The following DENND1A variants were observed in gnomAD, a reference collection of about 807,000 sequenced individuals.
DENND1A encodes the protein DENN domain containing 1A, also known as DENN domain-containing protein 1A.
Under a neutral mutation model 113.7 loss-of-function variants are expected in DENND1A, and 51 were observed. The observed-to-expected ratio is 0.45, with a 90% CI of 0.36 to 0.57. The LOEUF is 0.57. Ranked by LOEUF, DENND1A falls within the 20% of genes least tolerant of loss-of-function variation. The pLI, the probability that DENND1A is intolerant of heterozygous loss-of-function variation, is 0.00. For synonymous variants in DENND1A, 565 were observed against 570.8 expected, an observed-to-expected ratio of 0.99 and a Z score of 0.14; for missense variants, 1,258 against 1,395.9, an observed-to-expected ratio of 0.90 and a Z score of 1.57.
intron 13 of DENND1A, among the ~76,000 whole-genome samples, chr9:123,545,740 T>A (rs1240982228): frequency 6.6e-6 from 1 of 152,146 alleles, no homozygotes; most frequent in Non-Finnish European, 1.5e-5. Context: ...GTGCTGGGAT[T>A]ACAGGTGTGA....
intron 13 of DENND1A, among the ~76,000 whole-genome samples, chr9:123,490,289 A>G (rs1005520777): frequency 6.6e-6 from 1 of 152,214 alleles, no homozygotes; most frequent in African/African-American, 2.4e-5. Context: ...AGTCCATTAG[A>G]AACAGGAATA....
chr9:123,859,306 C>T (rs1844728461), intron 2 of DENND1A, among the ~76,000 whole-genome samples: 5 of 152,058 alleles, frequency 3.3e-5, no homozygotes, highest in Admixed American at 3.3e-4. Flanking sequence ...TCTTCATTTA[C>T]AGGACCTGGA....
chr9:123,609,651 C>T (rs1280120627), intron 10 of DENND1A, among the ~76,000 whole-genome samples, 170 bp from the exon 11 acceptor site: 1 of 152,138 alleles, frequency 6.6e-6, no homozygotes, highest in Non-Finnish European at 1.5e-5. Context: ...AGCCTAGAAA[C>T]TTCAGAAGAA....
intron 2 of DENND1A, among the ~76,000 whole-genome samples, chr9:123,860,744 G>A (rs1281273287): frequency 6.6e-6 from 1 of 152,182 alleles, no homozygotes; most frequent in African/African-American, 2.4e-5. Context: ...GCCTAAGCAT[G>A]CGGAACAAAA....
rs1404760075 is a variant in DENND1A, at chr9:123,511,804, G to A, written c.993+45766C>T. On this transcript the variant is annotated intron_variant, in intron 13 of 23. Transcript: ENST00000394215. ...ATGTTGCAGCGCCAGGCGGGAATGG[G>A]GACAGGAGAGACAGAAGAGCTGCAG... 5.9e-5 allele frequency among the ~76,000 whole-genome samples: 9 copies of A among 152,208 alleles called. No individual in the cohort carries two copies. The East Asian group carries it at 1.7e-3, about 29-fold the overall frequency.
intron 1 of DENND1A, among the ~76,000 whole-genome samples, chr9:123,889,299 T>G (rs983052030): frequency 6.6e-6 from 1 of 152,142 alleles, no homozygotes; most frequent in Non-Finnish European, 1.5e-5. Context: ...ATCTCAAAAG[T>G]TGTTTCAGGG....
intron 5 of DENND1A, among the ~76,000 whole-genome samples, chr9:123,721,519 C>T (rs1240455106): frequency 6.6e-6 from 1 of 152,218 alleles, no homozygotes; most frequent in African/African-American, 2.4e-5. Flanking sequence ...TGAGCTACCT[C>T]ATGATATGGT....
intron 9 of DENND1A, among the ~76,000 whole-genome samples, chr9:123,640,606 T>C (rs1363555564): frequency 6.6e-6 from 1 of 152,244 alleles, no homozygotes; most frequent in African/African-American, 2.4e-5. Flanking sequence ...TCGCTCTCCT[T>C]GTTTCTGAGA....
At chr9:123,868,547 G>C (rs1359928501) in intron 2 of DENND1A, among the ~76,000 whole-genome samples, 2 of 152,190 alleles carry the variant, frequency 1.3e-5, no homozygotes, top group African/African-American at 4.8e-5. Flanking sequence ...GAGGCTCTGA[G>C]ATTGGCATGT....
At chr9:123,625,960 C>T (rs181015470) in intron 10 of DENND1A, among the ~76,000 whole-genome samples, 21 of 152,196 alleles carry the variant, frequency 1.4e-4, no homozygotes, top group African/African-American at 4.8e-5. Flanking sequence ...GGCTCAATTG[C>T]GGCTCACTGT....
At chr9:123,723,755 C>A (rs1029681849) in intron 5 of DENND1A, among the ~76,000 whole-genome samples, 1 of 152,156 alleles carries the variant, frequency 6.6e-6, no homozygotes, top group African/African-American at 2.4e-5. Flanking sequence ...ATCCATTAAA[C>A]CTCTTTTACT....
rs552589387 is a variant in DENND1A, at chr9:123,391,075, C to T, written c.1632-3217G>A. Among the ~76,000 whole-genome samples the T allele has an allele frequency of 9.2e-5, 14 of 152,372 alleles. No individual in the cohort carries two copies. The South Asian group carries it at 2.9e-3, about 32-fold the overall frequency. ...CTGTCACAATCCAGCGCTGCCCACA[C>T]TGCTGTGATGGTGGAGGGGGCTGGG... On this transcript the variant is annotated intron_variant, in intron 21 of 23. Transcript: ENST00000394215.
intron 11 of DENND1A, among the ~76,000 whole-genome samples, chr9:123,590,407 G>A (rs1161027224): frequency 6.6e-6 from 1 of 152,208 alleles, no homozygotes; most frequent in Non-Finnish European, 1.5e-5. Context: ...TCCAAAGCCA[G>A]TCTGGGTTCT....
At chr9:123,563,816 A>C (rs901952573) in intron 12 of DENND1A, among the ~76,000 whole-genome samples, 3 of 152,100 alleles carry the variant, frequency 2.0e-5, no homozygotes, top group Non-Finnish European at 4.4e-5. Context: ...CTCCATTTGC[A>C]CCTTTGTCTT....
Position 123,733,668 on chromosome 9 carries a change from TTA to T in DENND1A, c.302+24033_302+24034del, listed in dbSNP as rs200284456. 7.2e-3 allele frequency among the ~76,000 whole-genome samples: 1,021 copies of T among 140,844 alleles called. 13 individuals are homozygous for T. Among genetic ancestry groups the T allele is most frequent in the African/African-American group, 0.028 (968 of 35,186 alleles). The allele number at this position is 140,844 out of a possible 152,430, so 92.4% of individuals were successfully genotyped here. A position where few individuals can be genotyped will look rare whatever the true frequency, so the allele number is the denominator to read the frequency against. The stretch of plus-strand genomic sequence containing the variant: ...TTTTATAGAATCATATTCTTGTTGG[TTA>T]TTTTTTTTTTTTTGAGACAGAGTCT... On this transcript the variant is annotated intron_variant, in intron 5 of 23. Coordinates refer to ENST00000394215, the MANE Select transcript of DENND1A (RefSeq NM_001352964.2).
Position 123,710,673 on chromosome 9 carries a change from G to GTT in DENND1A, c.303-33886_303-33885dup, listed in dbSNP as rs11392793. Among the ~76,000 whole-genome samples, 481 of 138,950 alleles carry GTT rather than the reference G, an allele frequency of 3.5e-3. 4 individuals are homozygous for GTT. The highest frequency in any genetic ancestry group is 0.011 in the African/African-American group (405 of 38,256). 91.2% of individuals were successfully genotyped at this position (138,950 alleles called of 152,430 possible). ...TATAATTTAATGAAAAATCTTGGAG[G>GTT]TTTTTTTTTTTTTTTTGAGACAGAG... On this transcript the variant is annotated intron_variant, in intron 5 of 23. Coordinates refer to ENST00000394215, the MANE Select transcript of DENND1A (RefSeq NM_001352964.2).
chr9:123,414,747 CTGT>C (rs1485191304), intron 19 of DENND1A, among the ~76,000 whole-genome samples: 1 of 152,158 alleles, frequency 6.6e-6, no homozygotes, highest in Non-Finnish European at 1.5e-5. Flanking sequence ...CTGGAAAATG[CTGT>C]CTGAAGTGTT....
intron 5 of DENND1A, among the ~76,000 whole-genome samples, chr9:123,677,514 AC>A (rs1320647940): frequency 1.3e-5 from 2 of 151,914 alleles, no homozygotes; most frequent in Non-Finnish European, 2.9e-5. Context: ...GCTCACTGCA[AC>A]CCCTGCCTCC....
In DENND1A at chr9:123,607,458, TAGAG is replaced by T. The variant is rs769155971; in HGVS notation, c.765+1974_765+1977del. On this transcript the variant is annotated intron_variant, in intron 11 of 23. Coordinates refer to ENST00000394215, the MANE Select transcript of DENND1A (RefSeq NM_001352964.2). ...ACAGTGGAAGGGGAGTGGAGTGGCT[TAGAG>T]AGAGAGAGAGAGACACAGAGAGAGA... Among the ~76,000 whole-genome samples the T allele has an allele frequency of 3.2e-3, 331 of 102,014 alleles. 2 individuals carry two copies. The highest frequency in any genetic ancestry group is 0.012 in the African/African-American group (313 of 26,518). 66.9% of individuals were successfully genotyped at this position (102,014 alleles called of 152,430 possible). A position where few individuals can be genotyped will look rare whatever the true frequency, so the allele number is the denominator to read the frequency against.
Sources: allele counts gnomAD v4.1 joint callset (sites outside exome capture counted in the v4.1 genomes callset), GRCh38; gene constraint gnomAD v4.1.1; transcripts MANE v1.5; gene names NCBI Gene and HGNC (gene_info 2026-07-23, HGNC 2026-07-21).